Variants in TEX36 observed in about 807,000 individuals in gnomAD.
TEX36 encodes testis-expressed protein 36.
In TEX36, 12 loss-of-function variants were observed where a neutral mutation model predicts 13.6. That is an observed-to-expected ratio of 0.88 (90% confidence interval 0.56 to 1.43). The LOEUF is 1.43. Among genes scored for constraint, TEX36 ranks in the 40% most tolerant of loss-of-function variants. TEX36 has a pLI of 0.00. For missense variants in TEX36, 224 were observed against 228.3 expected, an observed-to-expected ratio of 0.98 and a Z score of 0.12; for synonymous variants, 93 against 83.0, an observed-to-expected ratio of 1.12 and a Z score of -0.65.
chr10:125,662,547 A>C (rs559554002), intron 1 of TEX36, among the ~76,000 whole-genome samples: 1 of 152,178 alleles, frequency 6.6e-6, no homozygotes, highest in East Asian at 1.9e-4. Flanking sequence ...AGGACTGAGG[A>C]TTATCTAGAA....
chr10:125,586,455 AT>A (rs1364598893), intron 3 of TEX36, among the ~76,000 whole-genome samples: 1 of 151,988 alleles, frequency 6.6e-6, no homozygotes, highest in African/African-American at 2.4e-5. Flanking sequence ...ATAGGATCTT[AT>A]TCCAATAATA....
downstream of TEX36, chr10:125,655,622 T>C (rs1292623884): frequency 9.1e-7 from 1 of 1,101,248 alleles, no homozygotes; most frequent in East Asian, 4.9e-5. Flanking sequence ...TTGTTTCCTC[T>C]GTATGGTTTG....
intron 3 of TEX36, among the ~76,000 whole-genome samples, chr10:125,613,803 G>T (rs2133553777): frequency 6.6e-6 from 1 of 152,188 alleles, no homozygotes; most frequent in South Asian, 2.1e-4. Context: ...CCCAGTAATG[G>T]GATGGCTGGG....
At chr10:125,649,156 G>A (rs1005441082) in intron 3 of TEX36, among the ~76,000 whole-genome samples, 40 of 152,138 alleles carry the variant, frequency 2.6e-4, no homozygotes, top group African/African-American at 7.9e-4. Flanking sequence ...TACAGAGAAC[G>A]CCACAAAGAT....
chr10:125,656,249 CTTT>C (rs66461124), intron 3 of TEX36, 53 bp from the exon 4 acceptor site: 11,224 of 259,058 alleles, frequency 0.043, 52 homozygotes, highest in African/African-American at 0.13. Context: ...TCACATAGTT[CTTT>C]TTTTTTTTTT....
chr10:125,599,890 C>T (rs1164662112), intron 3 of TEX36, among the ~76,000 whole-genome samples: 1 of 152,142 alleles, frequency 6.6e-6, no homozygotes, highest in Non-Finnish European at 1.5e-5. Flanking sequence ...CCCCAGCTCT[C>T]CTCAATGGAA....
downstream of TEX36, among the ~76,000 whole-genome samples, chr10:125,651,265 T>G (rs1165843101): frequency 2.0e-5 from 3 of 152,088 alleles, no homozygotes; most frequent in Non-Finnish European, 4.4e-5. Flanking sequence ...CTGGCAAACC[T>G]AAACCAGCAG....
chr10:125,669,351 G>T (rs976602531), intron 1 of TEX36, among the ~76,000 whole-genome samples: 2 of 151,624 alleles, frequency 1.3e-5, no homozygotes, highest in Non-Finnish European at 2.9e-5. Flanking sequence ...ATGGTGGCAG[G>T]CACCTGTAAT....
rs1244402716 is a variant in TEX36 at position 125,576,723 on chromosome 10, G to A, written c.*26C>T. 17 of 1,534,414 alleles carry A rather than the reference G, an allele frequency of 1.1e-5. No homozygotes were observed. In the Admixed American group the frequency reaches 3.3e-4, roughly 30 times the overall value. ...TATTAGTCAGGACTCTGGGGAATGGGTGACAGAAACTTGCTCCCAAAGAGC... is the reference window on the plus strand; with the variant it reads ...TATTAGTCAGGACTCTGGGGAATGGATGACAGAAACTTGCTCCCAAAGAGC... On this transcript the variant is annotated 3_prime_UTR_variant, in exon 4 of 4. Coordinates refer to the TEX36 transcript ENST00000532135.
chr10:125,632,216 T>A (rs998881634), intron 3 of TEX36, among the ~76,000 whole-genome samples: 54 of 151,926 alleles, frequency 3.6e-4, no homozygotes, highest in African/African-American at 1.2e-3. Context: ...AGAAGAGTGG[T>A]CTGGGGGAGA....
At chr10:125,579,021 C>G (rs1305858185) in intron 3 of TEX36, among the ~76,000 whole-genome samples, 2 of 152,212 alleles carry the variant, frequency 1.3e-5, no homozygotes, top group Non-Finnish European at 2.9e-5. Flanking sequence ...CTATCTGTCT[C>G]CTCCCCAACT....
chr10:125,626,877 C>T (rs1203487398), intron 3 of TEX36, among the ~76,000 whole-genome samples: 2 of 152,176 alleles, frequency 1.3e-5, no homozygotes, highest in Non-Finnish European at 2.9e-5. Flanking sequence ...CGTCTAATGG[C>T]CTTGCACTTC....
At chr10:125,582,951 G>A (rs537228797) in intron 3 of TEX36, among the ~76,000 whole-genome samples, 3 of 152,226 alleles carry the variant, frequency 2.0e-5, no homozygotes, top group Admixed American at 6.5e-5. Flanking sequence ...ATTCCACTTA[G>A]GTAGCTAATT....
intron 1 of TEX36, among the ~76,000 whole-genome samples, chr10:125,681,221 G>A (rs1367059460): frequency 1.3e-5 from 2 of 152,210 alleles, no homozygotes; most frequent in African/African-American, 4.8e-5. Flanking sequence ...AAAACAGAAT[G>A]CTGAAAAGGG....
downstream of TEX36, among the ~76,000 whole-genome samples, chr10:125,655,004 C>T (rs1029334791): frequency 3.9e-5 from 6 of 152,106 alleles, no homozygotes; most frequent in South Asian, 2.1e-4. Flanking sequence ...ACAGCAAAAA[C>T]GCTAGAAATG....
intron 1 of TEX36, among the ~76,000 whole-genome samples, chr10:125,668,989 T>C (rs182976028): frequency 7.2e-4 from 110 of 152,244 alleles, no homozygotes; most frequent in African/African-American, 2.6e-3. Context: ...TGAAACCCTG[T>C]CTCTACTAAA....
At chr10:125,618,089 G>T (rs1054636957), downstream of TEX36, among the ~76,000 whole-genome samples, 8 of 152,052 alleles carry the variant, frequency 5.3e-5, no homozygotes, top group African/African-American at 1.9e-4. Context: ...CGGCTCCTGA[G>T]GCTTCTGCAT....
intron 3 of TEX36, among the ~76,000 whole-genome samples, chr10:125,592,553 C>A (rs989217723): frequency 6.6e-6 from 1 of 152,116 alleles, no homozygotes; most frequent in Non-Finnish European, 1.5e-5. Flanking sequence ...TTCCTCCCTG[C>A]ACATCCAGCA....
chr10:125,606,907 C>T (rs1016876463), intron 3 of TEX36, among the ~76,000 whole-genome samples: 6 of 152,134 alleles, frequency 3.9e-5, no homozygotes, highest in Admixed American at 1.3e-4. Flanking sequence ...CATATACTTG[C>T]AAGGATAGTA....
Sources: gnomAD v4.1 joint callset for allele counts (sites outside exome capture counted in the v4.1 genomes callset) on GRCh38, gnomAD v4.1.1 for gene constraint, MANE v1.5 for transcripts, NCBI Gene and HGNC (gene_info 2026-07-23, HGNC 2026-07-21) for gene names.